ALDH3B2: variants seen among roughly 807,000 people sequenced by gnomAD.
ALDH3B2 encodes aldehyde dehydrogenase 3 family member B2, also known as aldehyde dehydrogenase family 3 member B2.
ALDH3B2 carries 45 observed loss-of-function variants against 36.7 expected under a neutral mutation model. The ratio of observed to expected loss-of-function variants is 1.23; its 90% confidence interval spans 0.97 to 1.57. The LOEUF is 1.57. Ranked by LOEUF, ALDH3B2 falls within the 40% of genes most tolerant of loss-of-function variation. The pLI is 0.00. For synonymous variants in ALDH3B2, 217 were observed against 226.5 expected (o/e 0.96, Z 0.38); for missense variants, 464 against 513.3 (o/e 0.90, Z 0.93).
intron 1 of ALDH3B2, among the ~76,000 whole-genome samples, chr11:67,680,519 A>C (rs2447593): frequency 0.97 from 147,092 of 152,206 alleles, 71,255 homozygotes; most frequent in Non-Finnish European, 1. Context: ...TGGGCTCAAG[A>C]AATCCTCCAG....
intron 1 of ALDH3B2, among the ~76,000 whole-genome samples, chr11:67,671,548 C>CGT (rs1565249835): frequency 1.8e-4 from 25 of 139,240 alleles, no homozygotes; most frequent in Admixed American, 3.4e-4. Context: ...CCTCCCCCCC[C>CGT]TTTTTTTTTT....
intron 1 of ALDH3B2, among the ~76,000 whole-genome samples, chr11:67,671,624 G>A (rs1011745205): frequency 3.5e-5 from 5 of 144,094 alleles, no homozygotes; most frequent in Non-Finnish European, 6.0e-5. Context: ...TCAGCTCACC[G>A]CAACCTCTGC....
Position 67,665,588 on chromosome 11 carries a change from G to A in ALDH3B2, c.403C>T (p.Pro135Ser), listed in dbSNP as rs1181407440. Residue 135 changes from proline (P) to serine (S), a missense_variant, in exon 7 of 10, where the codon CCC (proline) becomes TCC (serine). By Grantham distance (74) the Pro-to-Ser change is moderately conservative. Coordinates refer to ENST00000349015, the Ensembl canonical transcript of ALDH3B2. ...TCGCAGTTGTCGTCCACGTAGCAGG[G>A]GTTCTTGCCCCCCAGCTCCAGGGTG... is the stretch of plus-strand genomic sequence containing the variant. 4 of 1,614,116 alleles carry A rather than the reference G, an allele frequency of 2.5e-6. No homozygotes were observed. In the South Asian group the frequency reaches 4.4e-5, roughly 18 times the overall value.
At chr11:67,677,473 T>A (rs947757678), upstream of ALDH3B2, among the ~76,000 whole-genome samples, 1 of 152,114 alleles carries the variant, frequency 6.6e-6, no homozygotes, top group Admixed American at 6.5e-5. Flanking sequence ...AAAAGCCATC[T>A]ATGACAAAAC....
intron 7 of ALDH3B2, 47 bp downstream of exon 7, chr11:67,665,238 G>T: frequency 6.5e-7 from 1 of 1,548,018 alleles, no homozygotes. Flanking sequence ...CCTCCATTGA[G>T]AAAGGGTCTT....
chr11:67,674,875 A>G (rs1055844534), upstream of ALDH3B2: 12 of 152,268 alleles, frequency 7.9e-5, no homozygotes, highest in African/African-American at 2.9e-4. Flanking sequence ...AGGAAAAAAG[A>G]ACCCCAGGGG....
At chr11:67,679,863 G>A (rs1260548391) in intron 1 of ALDH3B2, among the ~76,000 whole-genome samples, 1 of 152,090 alleles carries the variant, frequency 6.6e-6, no homozygotes, top group Non-Finnish European at 1.5e-5. Flanking sequence ...ACATAAATTG[G>A]TCTTACTATA....
At chr11:67,680,404 A>T (rs2134165263) in intron 1 of ALDH3B2, among the ~76,000 whole-genome samples, 1 of 152,286 alleles carries the variant, frequency 6.6e-6, no homozygotes, top group South Asian at 2.1e-4. Context: ...TGACACACAA[A>T]TACTCTTAAT....
chr11:67,663,359 G>A (rs267603143), exon 10 of ALDH3B2: 9 of 1,613,710 alleles, frequency 5.6e-6, no homozygotes, highest in South Asian at 2.2e-5. Flanking sequence ...AGAAGGTGTC[G>A]AAGGTGAACT....
At chr11:67,672,366 G>A (rs1856152264) in intron 1 of ALDH3B2, among the ~76,000 whole-genome samples, 1 of 151,064 alleles carries the variant, frequency 6.6e-6, no homozygotes, top group African/African-American at 2.4e-5. Flanking sequence ...TGTTGGTCAG[G>A]CTGGTCTCAA....
chr11:67,672,148 A>ATT (rs59262273), intron 1 of ALDH3B2, among the ~76,000 whole-genome samples: 4 of 96,152 alleles, frequency 4.2e-5, no homozygotes, highest in African/African-American at 1.4e-4. Flanking sequence ...ATATATATGT[A>ATT]TTTTTTTTTT....
chr11:67,665,897 C>T (rs1055775414), intron 6 of ALDH3B2, among the ~76,000 whole-genome samples: 24 of 152,128 alleles, frequency 1.6e-4, no homozygotes, highest in Non-Finnish European at 3.4e-4. Context: ...TTCTCCTGGC[C>T]GGTCTGGCTC....
chr11:67,673,284 C>T (rs1383289603), intron 1 of ALDH3B2, among the ~76,000 whole-genome samples: 3 of 152,184 alleles, frequency 2.0e-5, no homozygotes, highest in African/African-American at 7.2e-5. Context: ...TGGCTGCTCA[C>T]CAGGCAGTTC....
intron 1 of ALDH3B2, among the ~76,000 whole-genome samples, chr11:67,680,914 G>T (rs1591152731): frequency 1.3e-5 from 2 of 152,300 alleles, no homozygotes; most frequent in Non-Finnish European, 2.9e-5. Context: ...TGTTGTGGAA[G>T]AGGTGGGCAC....
In ALDH3B2 at chr11:67,666,034, GC is replaced by G. The variant is rs1315012229; in HGVS notation, c.319+87del. On this transcript the variant is annotated intron_variant, in intron 6 of 9. Transcript: ENST00000349015. ...AGCTCCCCACGTGCCCCCACTGCTG[GC>G]CCCAGCCTCCTCCCTCCACAACCCT... The G allele has an allele frequency of 2.7e-6, 4 of 1,506,698 alleles. No homozygotes were observed. The East Asian group carries it at 9.0e-5, about 34-fold the overall frequency. The allele number at this position is 1,506,698 out of a possible 1,614,324, so 93.3% of individuals were successfully genotyped here.
At chr11:67,668,859 G>T (rs1275438024) in intron 1 of ALDH3B2, among the ~76,000 whole-genome samples, 1 of 147,764 alleles carries the variant, frequency 6.8e-6, no homozygotes, top group Non-Finnish European at 1.5e-5. Context: ...GTATGTATGG[G>T]TGCTGTGTGT....
intron 1 of ALDH3B2, among the ~76,000 whole-genome samples, chr11:67,674,047 G>A (rs1383184628): frequency 6.6e-6 from 1 of 152,106 alleles, no homozygotes; most frequent in African/African-American, 2.4e-5. Flanking sequence ...CCGATTCTCC[G>A]GCACCTCCTG....
At chr11:67,672,345 G>C (rs1214420269) in intron 1 of ALDH3B2, among the ~76,000 whole-genome samples, 1 of 150,818 alleles carries the variant, frequency 6.6e-6, no homozygotes, top group Non-Finnish European at 1.5e-5. Flanking sequence ...AGTAGAGACG[G>C]GGTTTCACCA....
intron 5 of ALDH3B2, 52 bp from the exon 6 acceptor site, chr11:67,666,255 C>T (rs763020198): frequency 4.3e-6 from 7 of 1,612,962 alleles, no homozygotes; most frequent in Non-Finnish European, 5.1e-6. Context: ...GCCGGGCCTC[C>T]TCAGCCCACA....
Sources: allele counts gnomAD v4.1 joint callset (sites outside exome capture counted in the v4.1 genomes callset), GRCh38; gene constraint gnomAD v4.1.1; transcripts MANE v1.5; gene names NCBI Gene and HGNC (gene_info 2026-07-23, HGNC 2026-07-21).